KATNAL1: variants seen among roughly 807,000 people sequenced by gnomAD.
KATNAL1 encodes katanin p60 ATPase-containing subunit A-like 1.
KATNAL1 carries 32 observed loss-of-function variants against 55.2 expected under a neutral mutation model. That is an observed-to-expected ratio of 0.58 (90% confidence interval 0.44 to 0.78). KATNAL1 has a LOEUF of 0.78. Among genes scored for constraint, KATNAL1 ranks in the 30% least tolerant of loss-of-function variants. KATNAL1 has a pLI of 0.00. For missense variants in KATNAL1, 466 were observed against 600.9 expected (o/e 0.78, Z 2.35); for synonymous variants, 193 against 193.6 (o/e 1.00, Z 0.02).
chr13:30,230,398 CCATT>C (rs375792647), intron 8 of KATNAL1, 66 bp downstream of exon 8: 38 of 1,388,364 alleles, frequency 2.7e-5, no homozygotes, highest in Middle Eastern at 1.9e-4. Context: ...TCTAATCCAT[CCATT>C]GATTATGAGT....
At chr13:30,290,313 A>G (rs1242466742) in intron 1 of KATNAL1, among the ~76,000 whole-genome samples, 1 of 152,082 alleles carries the variant, frequency 6.6e-6, no homozygotes, top group Non-Finnish European at 1.5e-5. Flanking sequence ...AGTAGGATTG[A>G]CCAGGAAAGA....
chr13:30,244,848 G>A (rs1000891019), intron 4 of KATNAL1, among the ~76,000 whole-genome samples: 1 of 152,032 alleles, frequency 6.6e-6, no homozygotes, highest in Non-Finnish European at 1.5e-5. Flanking sequence ...GACTAAACCA[G>A]GAAGAAGTCA....
chr13:30,305,706 T>C (rs1040699442), intron 1 of KATNAL1, among the ~76,000 whole-genome samples: 2 of 152,260 alleles, frequency 1.3e-5, no homozygotes, highest in Non-Finnish European at 2.9e-5. Flanking sequence ...GTTACTGTTA[T>C]GTGATTATTT....
At chr13:30,240,346 C>G (rs558178060) in intron 6 of KATNAL1, 114 bp downstream of exon 6, 2 of 694,092 alleles carry the variant, frequency 2.9e-6, no homozygotes, top group Admixed American at 5.1e-5. Flanking sequence ...TGTACATAAA[C>G]TTCTCCCAAC....
At position 30,236,381 on chromosome 13, in the gene KATNAL1, G is replaced by A. The variant is rs188381740; in HGVS notation, c.726+4079C>T. Among the ~76,000 whole-genome samples, 241 of 152,298 alleles carry A rather than the reference G, an allele frequency of 1.6e-3. 4 individuals are homozygous for A. The highest frequency in any genetic ancestry group is 2.1e-4 in the Non-Finnish European group (14 of 68,022). On this transcript the variant is annotated intron_variant, in intron 6 of 10. Transcript: ENST00000380615. ...TTTGGCCCTACTCTGGGTAGGTGAT[G>A]TCAGAAGTCATTCAATTCAAGCCTG...
At chr13:30,266,156 C>T (rs1879768378) in intron 3 of KATNAL1, among the ~76,000 whole-genome samples, 1 of 151,996 alleles carries the variant, frequency 6.6e-6, no homozygotes, top group Non-Finnish European at 1.5e-5. Flanking sequence ...GAATGTGCCA[C>T]TATGCCCAGC....
Position 30,231,294 on chromosome 13 carries a change from C to G in KATNAL1, c.885+20G>C, listed in dbSNP as rs767973283. ...AGGCCTACACACACTACTTTGAAAT[C>G]TGAATATATCGTCACTCACCATCTC... On this transcript the variant is annotated intron_variant, in intron 7 of 10. Transcript: ENST00000380615. The G allele has an allele frequency of 1.3e-6, 2 of 1,591,046 alleles. No individual in the cohort carries two copies. The highest frequency in any genetic ancestry group is 3.4e-5 in the Admixed American group (2 of 58,260).
intron 1 of KATNAL1, among the ~76,000 whole-genome samples, chr13:30,291,105 G>A (rs1022301295): frequency 1.3e-5 from 2 of 152,062 alleles, no homozygotes; most frequent in Non-Finnish European, 2.9e-5. Flanking sequence ...GTGCAATAAG[G>A]CGATACAAAA....
chr13:30,228,437 G>T (rs1875736419), intron 8 of KATNAL1, among the ~76,000 whole-genome samples: 2 of 151,896 alleles, frequency 1.3e-5, no homozygotes. Flanking sequence ...TCCTACTTCG[G>T]TCATTATGAC....
intron 3 of KATNAL1, among the ~76,000 whole-genome samples, chr13:30,274,891 A>ACATACGTGCGCGCG (rs55740915): frequency 1.6e-5 from 2 of 122,130 alleles, no homozygotes; most frequent in Non-Finnish European, 3.4e-5. Flanking sequence ...GCACACACAT[A>ACATACGTGCGCGCG]CGCGCGCGCG....
At chr13:30,232,488 T>C (rs1876203171) in intron 6 of KATNAL1, among the ~76,000 whole-genome samples, 1 of 152,092 alleles carries the variant, frequency 6.6e-6, no homozygotes, top group Non-Finnish European at 1.5e-5. Flanking sequence ...TACAAAAATA[T>C]TTTTTTGCTT....
At chr13:30,263,031 G>A (rs1007502063) in intron 3 of KATNAL1, among the ~76,000 whole-genome samples, 6 of 152,114 alleles carry the variant, frequency 3.9e-5, no homozygotes, top group Admixed American at 6.6e-5. Flanking sequence ...ATGATCAAGT[G>A]GGCTTCATCC....
chr13:30,301,934 C>T (rs1882882338), intron 1 of KATNAL1, among the ~76,000 whole-genome samples: 2 of 152,184 alleles, frequency 1.3e-5, no homozygotes, highest in African/African-American at 4.8e-5. Flanking sequence ...TGCAATGGTG[C>T]AATCTCAGCT....
At chr13:30,237,613 TA>T (rs150828626) in intron 6 of KATNAL1, among the ~76,000 whole-genome samples, 5,264 of 152,310 alleles carry the variant, frequency 0.035, 103 homozygotes, top group African/African-American at 0.051. Flanking sequence ...ATCCCAGAGA[TA>T]ACGTATTTTT....
At chr13:30,256,823 G>T (rs1380595653) in intron 3 of KATNAL1, among the ~76,000 whole-genome samples, 1 of 152,140 alleles carries the variant, frequency 6.6e-6, no homozygotes, top group East Asian at 1.9e-4. Flanking sequence ...CTATCTATGA[G>T]GTAAACATAC....
chr13:30,227,355 TAC>T, intron 9 of KATNAL1, 55 bp downstream of exon 9: 12 of 1,535,088 alleles, frequency 7.8e-6, no homozygotes, highest in Non-Finnish European at 9.8e-6. Flanking sequence ...AAGATTTAGA[TAC>T]ATGGGAAAGG....
At chr13:30,274,887 ACATACGCGCGCGCGCGCGCG>A (rs1227565799) in intron 3 of KATNAL1, among the ~76,000 whole-genome samples, 12 of 107,136 alleles carry the variant, frequency 1.1e-4, no homozygotes, top group African/African-American at 2.2e-4. Context: ...GTGTGCACAC[ACATACGCGCGCGCGCGCGCG>A]CACACACACA....
intron 9 of KATNAL1, among the ~76,000 whole-genome samples, chr13:30,220,351 C>T (rs978870107): frequency 1.3e-5 from 2 of 151,952 alleles, no homozygotes; most frequent in African/African-American, 2.4e-5. Context: ...ATCCTGGCTA[C>T]TTGGGAGGCT....
chr13:30,295,648 G>A (rs953146085), intron 1 of KATNAL1, among the ~76,000 whole-genome samples: 6 of 151,924 alleles, frequency 3.9e-5, no homozygotes, highest in Admixed American at 1.3e-4. Context: ...TCTTATGCAT[G>A]AGCAAAGAAA....
Sources: gnomAD v4.1 joint callset for allele counts (sites outside exome capture counted in the v4.1 genomes callset) on GRCh38, gnomAD v4.1.1 for gene constraint, MANE v1.5 for transcripts, NCBI Gene and HGNC (gene_info 2026-07-23, HGNC 2026-07-21) for gene names.